Variants in FRMD3 observed in about 807,000 individuals in gnomAD.
The protein encoded by FRMD3 is FERM domain-containing protein 3.
Under a neutral mutation model 70.2 loss-of-function variants are expected in FRMD3, and 33 were observed. The observed-to-expected ratio is 0.47, with a 90% CI of 0.36 to 0.63. The LOEUF (loss-of-function observed/expected upper bound fraction) is 0.63. Ranked by LOEUF, FRMD3 falls within the 20% of genes least tolerant of loss-of-function variation. FRMD3 has a pLI of 0.00. For synonymous variants in FRMD3, 279 were observed against 255.9 expected, an observed-to-expected ratio of 1.09 and a Z score of -0.86; for missense variants, 632 against 711.4, an observed-to-expected ratio of 0.89 and a Z score of 1.27.
chr9:83,500,502 GCACACACACACACACACA>G (rs3084172), intron 1 of FRMD3, among the ~76,000 whole-genome samples: 1 of 143,714 alleles, frequency 7.0e-6, no homozygotes, highest in African/African-American at 2.6e-5. Flanking sequence ...GTGTATGCGC[GCACACACACACACACACA>G]CACACACACA....
rs150571998 is a variant in FRMD3 at position 83,405,965 on chromosome 9, T to A, written c.148-16257A>T. Among the ~76,000 whole-genome samples the A allele has an allele frequency of 3.5e-4, 53 of 152,282 alleles. 1 individual carries two copies. In the East Asian group the frequency reaches 8.7e-3, roughly 25 times the overall value. On this transcript the variant is annotated intron_variant, in intron 1 of 13. Coordinates refer to ENST00000304195, the MANE Select transcript of FRMD3 (RefSeq NM_174938.6). ...GATTAAAGCAAACAGTAACTTGTGT[T>A]TCATTTCACATAGGCAATTTCTTTT...
chr9:83,514,080 C>T (rs1829399353), intron 1 of FRMD3, among the ~76,000 whole-genome samples: 1 of 152,106 alleles, frequency 6.6e-6, no homozygotes, highest in Non-Finnish European at 1.5e-5. Flanking sequence ...TTTTTTCATA[C>T]CCCAGTGGCA....
At chr9:83,381,143 A>G (rs1825339662) in intron 2 of FRMD3, among the ~76,000 whole-genome samples, 1 of 152,232 alleles carries the variant, frequency 6.6e-6, no homozygotes, top group Non-Finnish European at 1.5e-5. Context: ...TTAGCTGCCA[A>G]TAATCATGGT....
chr9:83,327,946 C>T (rs1836086369), intron 6 of FRMD3, among the ~76,000 whole-genome samples: 1 of 152,070 alleles, frequency 6.6e-6, no homozygotes, highest in African/African-American at 2.4e-5. Context: ...TTTTAGGAGC[C>T]ATCTTTATGC....
At chr9:83,329,351 A>G (rs1176873187) in intron 6 of FRMD3, among the ~76,000 whole-genome samples, 1 of 152,242 alleles carries the variant, frequency 6.6e-6, no homozygotes, top group East Asian at 1.9e-4. Flanking sequence ...GATGACAAAG[A>G]GAAAACTCAT....
At chr9:83,264,017 G>A (rs1833112843) in intron 13 of FRMD3, among the ~76,000 whole-genome samples, 1 of 152,124 alleles carries the variant, frequency 6.6e-6, no homozygotes, top group African/African-American at 2.4e-5. Flanking sequence ...AAAATTTGAT[G>A]CAATTTCAAT....
Position 83,525,086 on chromosome 9 carries a change from A to G in FRMD3, c.147+12999T>C, listed in dbSNP as rs560444806. On this transcript the variant is annotated intron_variant, in intron 1 of 13. Transcript: ENST00000304195. ...TTTTTATCATTATATTCATTAGTAA[A>G]TAATATTGTGTTTGAATTCTCAGTT... Among the ~76,000 whole-genome samples the G allele has an allele frequency of 9.9e-5, 15 of 152,262 alleles. 1 individual carries two copies. The South Asian group carries it at 3.1e-3, about 32-fold the overall frequency.
intron 6 of FRMD3, chr9:83,331,951 C>T (rs951517344): frequency 8.5e-6 from 6 of 708,392 alleles, no homozygotes; most frequent in Admixed American, 4.2e-5. Flanking sequence ...GAATCACTTC[C>T]GAAATGAAGC....
chr9:83,453,526 T>C (rs1392090787), intron 1 of FRMD3, among the ~76,000 whole-genome samples: 1 of 152,172 alleles, frequency 6.6e-6, no homozygotes, highest in Non-Finnish European at 1.5e-5. Flanking sequence ...AGATAAAGTA[T>C]TTCTAATGAA....
At chr9:83,367,181 T>C (rs1280554504) in intron 3 of FRMD3, among the ~76,000 whole-genome samples, 1 of 152,074 alleles carries the variant, frequency 6.6e-6, no homozygotes, top group Non-Finnish European at 1.5e-5. Context: ...GTTATCCGAG[T>C]ACTCTTAAAG....
intron 6 of FRMD3, among the ~76,000 whole-genome samples, chr9:83,332,664 C>G (rs768936117): frequency 6.6e-6 from 1 of 152,158 alleles, no homozygotes; most frequent in Non-Finnish European, 1.5e-5. Flanking sequence ...ATCATTTCTG[C>G]TAATATTTGA....
chr9:83,577,289 A>G, the FRMD3 span, among the ~76,000 whole-genome samples: 1 of 152,100 alleles, frequency 6.6e-6, no homozygotes, highest in Admixed American at 6.6e-5. Context: ...ATAAAGTTGT[A>G]GGATGCACAC....
chr9:83,547,151 A>G, the FRMD3 span, among the ~76,000 whole-genome samples: 2 of 150,246 alleles, frequency 1.3e-5, no homozygotes, highest in African/African-American at 2.4e-5. Flanking sequence ...ACAACTTTAA[A>G]TCAATATTTT....
intron 6 of FRMD3, among the ~76,000 whole-genome samples, chr9:83,320,179 TC>T (rs1413489735): frequency 6.6e-6 from 1 of 152,184 alleles, no homozygotes; most frequent in Admixed American, 6.5e-5. Flanking sequence ...AGCAAGGACT[TC>T]CAGTACTATG....
At chr9:83,483,931 G>A (rs1298428860) in intron 1 of FRMD3, among the ~76,000 whole-genome samples, 5 of 152,050 alleles carry the variant, frequency 3.3e-5, no homozygotes, top group African/African-American at 1.2e-4. Flanking sequence ...CTTCCTCAAG[G>A]GCCATGAGAA....
chr9:83,403,508 G>C (rs889255925), intron 1 of FRMD3, among the ~76,000 whole-genome samples: 16 of 152,178 alleles, frequency 1.1e-4, no homozygotes, highest in African/African-American at 3.6e-4. Flanking sequence ...AGAAGGTTGA[G>C]AGGCTGGGAG....
At chr9:83,522,935 A>G (rs967723011) in intron 1 of FRMD3, among the ~76,000 whole-genome samples, 22 of 152,030 alleles carry the variant, frequency 1.4e-4, no homozygotes, top group African/African-American at 5.3e-4. Context: ...CCTTCCCCCA[A>G]GCCACACTCT....
intron 1 of FRMD3, among the ~76,000 whole-genome samples, chr9:83,504,789 TA>T: frequency 6.6e-6 from 1 of 152,202 alleles, no homozygotes; most frequent in South Asian, 2.1e-4. Context: ...AGTGTTTGCT[TA>T]TTGTCAGCCT....
intron 1 of FRMD3, among the ~76,000 whole-genome samples, chr9:83,485,902 AC>A (rs1225502403): frequency 1.3e-5 from 2 of 151,926 alleles, no homozygotes; most frequent in Admixed American, 6.6e-5. Context: ...ATTCTTAAAA[AC>A]CTTCAAAAAA....
Sources: allele counts gnomAD v4.1 joint callset (sites outside exome capture counted in the v4.1 genomes callset), GRCh38; gene constraint gnomAD v4.1.1; transcripts MANE v1.5; gene names NCBI Gene and HGNC (gene_info 2026-07-23, HGNC 2026-07-21).